FUS: variants seen among roughly 807,000 people sequenced by gnomAD.
The protein encoded by FUS is FUS RNA binding protein, also known as RNA-binding protein FUS.
Under a neutral mutation model 82.7 loss-of-function variants are expected in FUS, and 5 were observed. That is an observed-to-expected ratio of 0.06 (90% CI 0.03 to 0.13). The LOEUF (loss-of-function observed/expected upper bound fraction) is 0.13, where lower values mean the gene tolerates loss of function less well. FUS is among the 10% of genes least tolerant of loss of function. The probability of loss-of-function intolerance (pLI) is 1.00; values close to 1 mark genes in which losing one functional copy is unlikely to be tolerated. For synonymous variants in FUS, 281 were observed against 247.4 expected (o/e 1.14, Z -1.27); for missense variants, 512 against 707.8 (o/e 0.72, Z 3.14).
At chr16:31,190,715 A>G in intron 12 of FUS, 27 bp from the exon 13 acceptor site, 31 of 1,600,054 alleles carry the variant, frequency 1.9e-5, no homozygotes, top group Non-Finnish European at 2.7e-5. Context: ...CCATCGCTCC[A>G]GACTGATTGT....
chr16:31,182,486 G>A (rs1275655634), intron 2 of FUS, 27 bp from the exon 3 acceptor site: 2 of 1,614,030 alleles, frequency 1.2e-6, no homozygotes, highest in African/African-American at 2.7e-5. Context: ...CATGTTTTCT[G>A]ATCACGCTGG....
intron 1 of FUS, among the ~76,000 whole-genome samples, chr16:31,180,437 T>A (rs1474883526): frequency 6.6e-6 from 1 of 151,130 alleles, no homozygotes; most frequent in African/African-American, 2.5e-5. Flanking sequence ...CGGGAAGTCT[T>A]TTCTTTGCAG....
intron 1 of FUS, among the ~76,000 whole-genome samples, 179 bp downstream of exon 1, chr16:31,180,406 C>T (rs902494143): frequency 1.3e-5 from 2 of 152,206 alleles, no homozygotes; most frequent in Non-Finnish European, 2.9e-5. Context: ...TGTTTCGCTC[C>T]TCTGGCCCTC....
At chr16:31,181,402 G>A (rs1484340899) in intron 1 of FUS, among the ~76,000 whole-genome samples, 2 of 152,150 alleles carry the variant, frequency 1.3e-5, no homozygotes, top group African/African-American at 4.8e-5. Context: ...TTTGTTCGCT[G>A]GGGGAAGGCA....
chr16:31,186,536 T>C, intron 6 of FUS: 1 of 546,868 alleles, frequency 1.8e-6, no homozygotes, highest in Non-Finnish European at 3.3e-6. Context: ...CCAAGGAAAA[T>C]GGGTTATTTT....
rs1247098643 is a variant in FUS at position 31,182,631 on chromosome 16, A to G, written c.157A>G (p.Ser53Gly). The G allele has an allele frequency of 8.1e-6, 13 of 1,614,188 alleles. No individual in the cohort carries two copies. The highest frequency in any genetic ancestry group is 1.0e-5 in the Non-Finnish European group (12 of 1,180,004). The change falls in exon 3 of 15, where the codon AGC becomes GGC. Residue 53 changes from serine (S) to glycine (G), a missense_variant. By Grantham distance (56) the Ser-to-Gly change is moderately conservative. Around this residue, in one of 6 missense-constraint regions of FUS, gnomAD observed 276 missense variants for 303.3 expected, o/e 0.91. Coordinates refer to ENST00000254108, the MANE Select transcript of FUS (RefSeq NM_004960.4). ...QSTDTSGYGQ[S>G]SYSSYGQSQN... ...CACGGACACTTCAGGCTATGGCCAGAGCAGCTATTCTTCTTATGGCCAGAG... is the reference window on the plus strand; with the variant it reads ...CACGGACACTTCAGGCTATGGCCAGGGCAGCTATTCTTCTTATGGCCAGAG...
chr16:31,189,728 A>C lies in FUS; in HGVS notation c.1000A>C (p.Lys334Gln). ...CACAGACAGGGAAACTGGCAAGCTG[A>C]AGGGAGAGGCAACGGTCTCTTTTGA... ...LYTDRETGKL[K>Q]GEATVSFDDP... Residue 334 changes from lysine to glutamine, a missense_variant, in exon 10 of 15, where the codon AAG becomes CAG. Transcript: ENST00000254108. 1 of 1,614,224 alleles carries C rather than the reference A, an allele frequency of 6.2e-7. No individual in the cohort carries two copies.
intron 1 of FUS, chr16:31,182,083 C>T: frequency 2.5e-6 from 1 of 393,688 alleles, no homozygotes; most frequent in Non-Finnish European, 4.8e-6. Context: ...CTCTGCCTCC[C>T]GGGTTCAAGC....
intron 7 of FUS, chr16:31,187,338 C>T (rs1250807186): frequency 3.9e-6 from 1 of 255,682 alleles, no homozygotes; most frequent in Admixed American, 4.8e-5. Flanking sequence ...TCAATGAATG[C>T]AATTCTATGT....
intron 12 of FUS, 167 bp downstream of exon 12, chr16:31,190,565 T>C: frequency 8.3e-7 from 1 of 1,201,422 alleles, no homozygotes; most frequent in Non-Finnish European, 1.2e-6. Flanking sequence ...ATGGGAAAGG[T>C]AATGGATTGG....
chr16:31,185,195 G>T lies in FUS; in HGVS notation c.764+16G>T. 1.3e-6 allele frequency: 2 copies of T among 1,599,572 alleles called. No individual in the cohort carries two copies. Among genetic ancestry groups the T allele is most frequent in the South Asian group, 1.1e-5 (1 of 89,376 alleles). On this transcript the variant is annotated intron_variant, in intron 6 of 14. Transcript: ENST00000254108. ...GTGGCATGGGGTAGGTGTCTCATGAGCCAGGGAGTATCTTTGGTGGGGAGT... is the reference window on the plus strand; with the variant it reads ...GTGGCATGGGGTAGGTGTCTCATGATCCAGGGAGTATCTTTGGTGGGGAGT...
intron 1 of FUS, 49 bp downstream of exon 1, chr16:31,180,276 C>T (rs1377733232): frequency 6.3e-7 from 1 of 1,582,856 alleles, no homozygotes; most frequent in Non-Finnish European, 8.6e-7. Context: ...GCCGAGGCCT[C>T]CCAGCTGGGC....
chr16:31,185,663 G>A lies in FUS; in HGVS notation c.764+484G>A, dbSNP rs181895314. 3 of 465,112 alleles carry A rather than the reference G, an allele frequency of 6.5e-6. No homozygotes were observed. In the Admixed American group the frequency reaches 7.5e-5, roughly 12 times the overall value. 28.8% of individuals were successfully genotyped at this position (465,112 alleles called of 1,614,324 possible). A position where few individuals can be genotyped will look rare whatever the true frequency, so the allele number is the denominator to read the frequency against. On this transcript the variant is annotated intron_variant, in intron 6 of 14. Transcript: ENST00000254108. The stretch of plus-strand genomic sequence containing the variant: ...GTTTTCTATAGTCATTTGAATCCAC[G>A]AGCTTGATTTGCACTAATTTGACCG...
intron 5 of FUS, 94 bp from the exon 6 acceptor site, chr16:31,184,845 A>ATT: frequency 8.6e-6 from 11 of 1,280,244 alleles, no homozygotes; most frequent in Non-Finnish European, 1.2e-5. Context: ...TTTGTCCTTC[A>ATT]TTGCCTGGCA....
downstream of FUS, chr16:31,194,371 C>T (rs1488248179): frequency 1.9e-6 from 1 of 518,216 alleles, no homozygotes; most frequent in Admixed American, 2.3e-5. Context: ...CAACTGCAAC[C>T]TCTGCCTCCC....
In FUS at chr16:31,186,802, C is replaced by A; in HGVS notation, c.765C>A (p.Gly255=). 2 of 1,614,044 alleles carry A rather than the reference C, an allele frequency of 1.2e-6. No homozygotes were observed. Among genetic ancestry groups the A allele is most frequent in the East Asian group, 4.5e-5 (2 of 44,892 alleles). The change falls in exon 7 of 15, where the codon GGC becomes GGA. Residue 255 remains glycine, a splice_region_variant and synonymous_variant. Transcript: ENST00000254108. ...CTTTCTTCTAACTTGTCTTCTCCAG[C>A]GGAAGTGACCGTGGTGGCTTCAATA... The part of the protein sequence containing the change: ...GGGRGGRGGM[G]GSDRGGFNKF...
chr16:31,188,799 T>G (rs770366763), intron 8 of FUS: 18 of 470,694 alleles, frequency 3.8e-5, no homozygotes, highest in Admixed American at 2.0e-4. Flanking sequence ...GGGTTTCTTA[T>G]TTAATTCGGG....
rs959552367 is a variant in FUS at position 31,191,497 on chromosome 16, G to A, written c.*59G>A. 1.4e-5 allele frequency: 22 copies of A among 1,577,536 alleles called. No homozygotes were observed. The highest frequency in any genetic ancestry group is 1.7e-5 in the Admixed American group (1 of 59,796). On this transcript the variant is annotated 3_prime_UTR_variant, in exon 15 of 15. Transcript: ENST00000254108. ...TTGTCCTGTACCCAGTGTTACCCTC[G>A]TTATTTTGTAACCTTCCAATTCCTG...
chr16:31,186,952 C>T, intron 7 of FUS, 116 bp downstream of exon 7: 1 of 1,017,806 alleles, frequency 9.8e-7, no homozygotes, highest in South Asian at 1.3e-5. Context: ...GTGTCCAGAA[C>T]CACCTCCAGA....
Sources: allele counts gnomAD v4.1 joint callset (sites outside exome capture counted in the v4.1 genomes callset), GRCh38; gene constraint gnomAD v4.1.1; regional missense constraint gnomAD v4.1.1; transcripts MANE v1.5; gene names NCBI Gene and HGNC (gene_info 2026-07-23, HGNC 2026-07-21).